The following PCP4L1 variants were observed in gnomAD, a reference collection of about 807,000 sequenced individuals.
PCP4L1 encodes the protein Purkinje cell protein 4 like 1, also known as Purkinje cell protein 4-like protein 1.
Under a neutral mutation model 9.6 loss-of-function variants are expected in PCP4L1, and 9 were observed. The observed-to-expected ratio is 0.94, with a 90% CI of 0.57 to 1.64. The LOEUF (loss-of-function observed/expected upper bound fraction) is 1.64. PCP4L1 is among the 40% of genes most tolerant of loss of function. The pLI is 0.00. For missense variants in PCP4L1, 81 were observed against 80.8 expected (o/e 1.00, Z -0.01); for synonymous variants, 31 against 28.2 (o/e 1.10, Z -0.31).
At chr1:161,268,433 C>A (rs2102233885) in intron 1 of PCP4L1, among the ~76,000 whole-genome samples, 1 of 152,270 alleles carries the variant, frequency 6.6e-6, no homozygotes, top group South Asian at 2.1e-4. Context: ...AATACCTCAG[C>A]ATCTTGACCT....
intron 1 of PCP4L1, among the ~76,000 whole-genome samples, chr1:161,280,364 T>G (rs1211760588): frequency 2.0e-5 from 3 of 152,104 alleles, no homozygotes; most frequent in African/African-American, 7.2e-5. Context: ...TCTCTCCTAT[T>G]CCAGTAATGA....
At position 161,265,891 on chromosome 1, in the gene PCP4L1, C is replaced by T. The variant is rs532448943; in HGVS notation, c.9+6908C>T. Among the ~76,000 whole-genome samples the T allele has an allele frequency of 2.8e-3, 426 of 152,032 alleles. 1 individual carries two copies. Among genetic ancestry groups the T allele is most frequent in the Admixed American group, 3.2e-3 (49 of 15,260 alleles). On this transcript the variant is annotated intron_variant, in intron 1 of 2. Coordinates refer to ENST00000504449, the MANE Select transcript of PCP4L1 (RefSeq NM_001102566.2). ...TAGCTGGGATTACAGGCACCCAACA[C>T]CACGCCCGGCTAATTTTTTTGTATT... is the stretch of plus-strand genomic sequence containing the variant.
At chr1:161,280,934 GC>G (rs1180278292) in intron 1 of PCP4L1, among the ~76,000 whole-genome samples, 67 of 152,176 alleles carry the variant, frequency 4.4e-4, no homozygotes, top group Admixed American at 3.7e-3. Context: ...GGGAAGGTCA[GC>G]AGATAAACAA....
intron 1 of PCP4L1, among the ~76,000 whole-genome samples, chr1:161,271,039 T>C (rs1237762234): frequency 6.6e-6 from 1 of 152,232 alleles, no homozygotes. Flanking sequence ...CTATAAATAT[T>C]AATTTACAAA....
At chr1:161,267,518 A>G (rs1293635854) in intron 1 of PCP4L1, among the ~76,000 whole-genome samples, 1 of 152,172 alleles carries the variant, frequency 6.6e-6, no homozygotes, top group Non-Finnish European at 1.5e-5. Flanking sequence ...TTTTCTGGTG[A>G]CAGTGGTTGC....
intron 1 of PCP4L1, among the ~76,000 whole-genome samples, chr1:161,264,413 A>G (rs1669494651): frequency 6.6e-6 from 1 of 152,104 alleles, no homozygotes; most frequent in Non-Finnish European, 1.5e-5. Context: ...GCTACTCGGG[A>G]GGCTGAGCCA....
intron 1 of PCP4L1, among the ~76,000 whole-genome samples, chr1:161,273,894 T>A (rs904603295): frequency 2.6e-5 from 4 of 152,186 alleles, no homozygotes; most frequent in Admixed American, 2.6e-4. Flanking sequence ...ACATACATAC[T>A]CATACATCCC....
chr1:161,279,800 G>GGACAT (rs1466523494), intron 1 of PCP4L1, among the ~76,000 whole-genome samples: 1 of 152,196 alleles, frequency 6.6e-6, no homozygotes, highest in Non-Finnish European at 1.5e-5. Context: ...TCCAGATGAA[G>GGACAT]TAGCCTTATT....
At chr1:161,276,795 C>T (rs1244233421) in intron 1 of PCP4L1, among the ~76,000 whole-genome samples, 13 of 150,830 alleles carry the variant, frequency 8.6e-5, no homozygotes, top group Non-Finnish European at 1.6e-4. Flanking sequence ...AATATAAACA[C>T]ATATGTATCT....
At chr1:161,268,768 C>T (rs1452268193) in intron 1 of PCP4L1, among the ~76,000 whole-genome samples, 3 of 152,118 alleles carry the variant, frequency 2.0e-5, no homozygotes, top group Non-Finnish European at 2.9e-5. Flanking sequence ...AGGCTGGTCT[C>T]GAACTCCTAA....
chr1:161,270,456 C>A (rs889757005), intron 1 of PCP4L1, among the ~76,000 whole-genome samples: 9 of 151,108 alleles, frequency 6.0e-5, no homozygotes, highest in African/African-American at 2.2e-4. Context: ...ATATTGAAAT[C>A]CTAACCCCCA....
chr1:161,283,657 A>T lies in PCP4L1; in HGVS notation c.10-11A>T. On this transcript the variant is annotated splice_polypyrimidine_tract_variant and intron_variant, in intron 1 of 2. Transcript: ENST00000504449. Reference sequence around the variant, plus strand: ...ATATCTAATATTCTGATATCCTAATATTTTTTCCAGCTTAATACCAAAACA... The same window carrying T: ...ATATCTAATATTCTGATATCCTAATTTTTTTTCCAGCTTAATACCAAAACA... 1 of 1,586,812 alleles carries T rather than the reference A, an allele frequency of 6.3e-7. No homozygotes were observed. Among genetic ancestry groups the T allele is most frequent in the Non-Finnish European group, 8.6e-7 (1 of 1,165,282 alleles).
At chr1:161,276,507 A>T (rs907549857) in intron 1 of PCP4L1, among the ~76,000 whole-genome samples, 1 of 152,034 alleles carries the variant, frequency 6.6e-6, no homozygotes, top group Non-Finnish European at 1.5e-5. Flanking sequence ...GCATAGCAAG[A>T]CCCAGTCTCT....
intron 1 of PCP4L1, among the ~76,000 whole-genome samples, chr1:161,263,252 T>G (rs926361521): frequency 4.6e-5 from 7 of 152,150 alleles, no homozygotes; most frequent in South Asian, 2.1e-4. Flanking sequence ...TGTTTTTTTT[T>G]GGGTTGGAGT....
At chr1:161,279,354 A>G (rs548605303) in intron 1 of PCP4L1, among the ~76,000 whole-genome samples, 2 of 152,358 alleles carry the variant, frequency 1.3e-5, no homozygotes, top group Non-Finnish European at 2.9e-5. Flanking sequence ...TGTATGCCCA[A>G]CACCTAGAAC....
intron 1 of PCP4L1, among the ~76,000 whole-genome samples, chr1:161,278,837 C>T (rs1279832405): frequency 2.6e-5 from 4 of 152,054 alleles, no homozygotes; most frequent in Admixed American, 2.0e-4. Context: ...GGCTGGAGTG[C>T]AGTGGCGCAA....
At chr1:161,264,077 T>C (rs1669466558) in intron 1 of PCP4L1, among the ~76,000 whole-genome samples, 1 of 151,520 alleles carries the variant, frequency 6.6e-6, no homozygotes, top group South Asian at 2.1e-4. Context: ...GCCCGGGTAA[T>C]TTTTGTATTT....
intron 1 of PCP4L1, among the ~76,000 whole-genome samples, chr1:161,260,383 G>GA (rs1383966952): frequency 1.3e-5 from 2 of 152,074 alleles, no homozygotes; most frequent in Admixed American, 6.5e-5. Context: ...AGAAAGAAAA[G>GA]AAAAAAACGC....
At chr1:161,275,027 G>A (rs1669676368) in intron 1 of PCP4L1, among the ~76,000 whole-genome samples, 1 of 152,148 alleles carries the variant, frequency 6.6e-6, no homozygotes, top group African/African-American at 2.4e-5. Flanking sequence ...GGGGGGACCA[G>A]ATGGCAGCTG....
Sources: allele counts gnomAD v4.1 joint callset (sites outside exome capture counted in the v4.1 genomes callset), GRCh38; gene constraint gnomAD v4.1.1; transcripts MANE v1.5; gene names NCBI Gene and HGNC (gene_info 2026-07-23, HGNC 2026-07-21).